CDK8: variants seen among roughly 807,000 people sequenced by gnomAD.
The protein encoded by CDK8 is cyclin dependent kinase 8, also known as cyclin-dependent kinase 8.
CDK8 carries 29 observed loss-of-function variants against 71.5 expected under a neutral mutation model. The observed-to-expected ratio is 0.41, with a 90% CI of 0.30 to 0.55. The LOEUF (loss-of-function observed/expected upper bound fraction) is 0.55, where lower values mean the gene tolerates loss of function less well. Among genes scored for constraint, CDK8 ranks in the 20% least tolerant of loss-of-function variants. CDK8 has a pLI of 0.37. For missense variants in CDK8, 288 were observed against 572.6 expected (o/e 0.50, Z 5.07); for synonymous variants, 161 against 192.1 (o/e 0.84, Z 1.34).
chr13:26,355,810 C>T (rs542063615), intron 4 of CDK8, among the ~76,000 whole-genome samples: 67 of 151,922 alleles, frequency 4.4e-4, no homozygotes, highest in African/African-American at 1.4e-3. Context: ...TTTTTTTCCC[C>T]GTAGAGTCAG....
At chr13:26,359,861 G>T in intron 4 of CDK8, 1 of 226,384 alleles carries the variant, frequency 4.4e-6, no homozygotes, top group Non-Finnish European at 9.2e-6. Context: ...GATTACAGGC[G>T]TGTACCACCA....
intron 3 of CDK8, 39 bp downstream of exon 3, chr13:26,349,221 G>A: frequency 9.0e-7 from 1 of 1,109,150 alleles, no homozygotes; most frequent in Non-Finnish European, 1.4e-6. Flanking sequence ...AAACAGTCAG[G>A]GATTGTTAAG....
intron 1 of CDK8, among the ~76,000 whole-genome samples, chr13:26,288,892 TA>T (rs1310089806): frequency 6.6e-6 from 1 of 151,822 alleles, no homozygotes; most frequent in Non-Finnish European, 1.5e-5. Flanking sequence ...CCTGGGACTA[TA>T]GGCACGTGCC....
intron 4 of CDK8, among the ~76,000 whole-genome samples, chr13:26,380,036 ACATG>A (rs567241107): frequency 1.3e-3 from 200 of 152,326 alleles, no homozygotes; most frequent in South Asian, 8.1e-3. Context: ...AAACATGAAA[ACATG>A]CATGCAGCAG....
chr13:26,263,022 GGTT>G, intron 1 of CDK8, among the ~76,000 whole-genome samples: 1 of 152,282 alleles, frequency 6.6e-6, no homozygotes, highest in South Asian at 2.1e-4. Flanking sequence ...TGAATCTATA[GGTT>G]GTTTAGAGGA....
chr13:26,380,566 C>T (rs1002373346), intron 4 of CDK8, among the ~76,000 whole-genome samples: 17 of 152,174 alleles, frequency 1.1e-4, no homozygotes, highest in Middle Eastern at 3.4e-3. Flanking sequence ...TCACTGCGGT[C>T]TCCACCTCCC....
At chr13:26,255,454 C>T (rs947194059) in intron 1 of CDK8, among the ~76,000 whole-genome samples, 1 of 152,206 alleles carries the variant, frequency 6.6e-6, no homozygotes, top group African/African-American at 2.4e-5. Flanking sequence ...AATTTAGCGG[C>T]TGGCAGTGAA....
chr13:26,348,642 G>T (rs9579004), intron 2 of CDK8, among the ~76,000 whole-genome samples: 5,362 of 151,026 alleles, frequency 0.036, 307 homozygotes, highest in African/African-American at 0.12. Flanking sequence ...ATGCCAAAAA[G>T]GTTGGGAACC....
At chr13:26,329,779 C>T (rs2137961261) in intron 1 of CDK8, among the ~76,000 whole-genome samples, 1 of 152,246 alleles carries the variant, frequency 6.6e-6, no homozygotes, top group East Asian at 1.9e-4. Flanking sequence ...GCTGGGATTA[C>T]AAGCCTGAGC....
intron 2 of CDK8, among the ~76,000 whole-genome samples, chr13:26,343,006 G>A (rs1017087915): frequency 6.6e-6 from 1 of 152,050 alleles, no homozygotes; most frequent in Non-Finnish European, 1.5e-5. Context: ...GTGTCTCTCT[G>A]TATGTCCTCA....
At chr13:26,390,839 C>T (rs1303586217) in intron 6 of CDK8, among the ~76,000 whole-genome samples, 1 of 152,104 alleles carries the variant, frequency 6.6e-6, no homozygotes, top group Non-Finnish European at 1.5e-5. Flanking sequence ...CATGCCAATT[C>T]CTACTATTTC....
Position 26,316,670 on chromosome 13 carries a change from C to T in CDK8, c.129-20897C>T, listed in dbSNP as rs118058514. Among the ~76,000 whole-genome samples, 327 of 152,246 alleles carry T rather than the reference C, an allele frequency of 2.1e-3. 1 individual carries two copies. The highest frequency in any genetic ancestry group is 3.9e-3 in the Non-Finnish European group (267 of 68,010). ...GTACAAAGGCAGTCTCTAGCAAAAA[C>T]CTACACACAGACACGCAATAACGAA... On this transcript the variant is annotated intron_variant, in intron 1 of 12. Coordinates refer to ENST00000381527, the MANE Select transcript of CDK8 (RefSeq NM_001260.3).
At chr13:26,329,972 G>C (rs967891076) in intron 1 of CDK8, among the ~76,000 whole-genome samples, 5 of 151,956 alleles carry the variant, frequency 3.3e-5, no homozygotes, top group African/African-American at 9.7e-5. Context: ...CACTTCCTGG[G>C]GTGTCTCATG....
In CDK8 at chr13:26,337,057, C is replaced by G. The variant is rs543766419; in HGVS notation, c.129-510C>G. Among the ~76,000 whole-genome samples the G allele has an allele frequency of 1.8e-4, 24 of 132,716 alleles. No homozygotes were observed. In the East Asian group the frequency reaches 2.5e-3, roughly 14 times the overall value. The allele number at this position is 132,716 out of a possible 152,430, so 87.1% of individuals were successfully genotyped here. A position where few individuals can be genotyped will look rare whatever the true frequency, so the allele number is the denominator to read the frequency against. ...CAGTTCTGGGTACATAGTAAGTGTTCAGTAAACACATGTTGCGTGAGTGTC... is the reference window on the plus strand; with the variant it reads ...CAGTTCTGGGTACATAGTAAGTGTTGAGTAAACACATGTTGCGTGAGTGTC... On this transcript the variant is annotated intron_variant, in intron 1 of 12. Transcript: ENST00000381527.
intron 1 of CDK8, among the ~76,000 whole-genome samples, chr13:26,332,984 A>G (rs1872821054): frequency 6.6e-6 from 1 of 152,144 alleles, no homozygotes; most frequent in South Asian, 2.1e-4. Context: ...CAAGTGGAAA[A>G]TTCCACATCT....
intron 1 of CDK8, among the ~76,000 whole-genome samples, chr13:26,308,604 C>T (rs996001171): frequency 5.5e-4 from 84 of 152,228 alleles, no homozygotes; most frequent in African/African-American, 1.9e-3. Context: ...AATTACCTTC[C>T]TGATCTTGGT....
chr13:26,284,942 CA>C (rs59801630), intron 1 of CDK8, among the ~76,000 whole-genome samples: 117,923 of 145,170 alleles, frequency 0.81, 49,582 homozygotes, highest in East Asian at 0.98. Context: ...CAAAAATCCT[CA>C]AAAAAAAAAA....
intron 1 of CDK8, among the ~76,000 whole-genome samples, chr13:26,325,238 A>T (rs1044377933): frequency 6.6e-6 from 1 of 152,200 alleles, no homozygotes; most frequent in South Asian, 2.1e-4. Flanking sequence ...CTTTTGAATA[A>T]ACTTACATCA....
intron 3 of CDK8, among the ~76,000 whole-genome samples, chr13:26,352,703 C>T (rs1873733406): frequency 6.6e-6 from 1 of 152,168 alleles, no homozygotes; most frequent in Non-Finnish European, 1.5e-5. Flanking sequence ...AGTCATACTA[C>T]ATATGTGCAA....
Sources: gnomAD v4.1 joint callset for allele counts (sites outside exome capture counted in the v4.1 genomes callset) on GRCh38, gnomAD v4.1.1 for gene constraint, MANE v1.5 for transcripts, NCBI Gene and HGNC (gene_info 2026-07-23, HGNC 2026-07-21) for gene names.